UNC13A: variants seen among roughly 807,000 people sequenced by gnomAD.
UNC13A encodes the protein protein unc-13 homolog A.
In UNC13A, 61 loss-of-function variants were observed where a neutral mutation model predicts 219.7. That is an observed-to-expected ratio of 0.28 (90% CI 0.23 to 0.34). The LOEUF (loss-of-function observed/expected upper bound fraction) is 0.34, where lower values mean the gene tolerates loss of function less well. UNC13A is among the 10% of genes least tolerant of loss of function. The probability of loss-of-function intolerance (pLI) is 1.00; values close to 1 mark genes in which losing one functional copy is unlikely to be tolerated. For synonymous variants in UNC13A, 920 were observed against 884.6 expected (o/e 1.04, Z -0.71); for missense variants, 1,476 against 2,270.3 (o/e 0.65, Z 7.11).
At chr19:17,648,326 C>A in intron 16 of UNC13A, 105 bp downstream of exon 16, 1 of 1,121,806 alleles carries the variant, frequency 8.9e-7, no homozygotes, top group Non-Finnish European at 1.2e-6. Context: ...TTGCCCCGCC[C>A]CATGGTGCCC....
At chr19:17,672,610 G>A in intron 3 of UNC13A, 115 bp from the exon 4 acceptor site, 1 of 745,058 alleles carries the variant, frequency 1.3e-6, no homozygotes, top group Non-Finnish European at 2.2e-6. Context: ...ACCTAGGCCT[G>A]GGAGTGTCCT....
chr19:17,644,846 C>T (rs1331875626), intron 19 of UNC13A, among the ~76,000 whole-genome samples: 1 of 151,338 alleles, frequency 6.6e-6, no homozygotes, highest in African/African-American at 2.4e-5. Context: ...TGAGTGTCAC[C>T]CTGCCTAGCT....
At chr19:17,640,189 C>T (rs2076953967) in intron 22 of UNC13A, among the ~76,000 whole-genome samples, 1 of 152,152 alleles carries the variant, frequency 6.6e-6, no homozygotes, top group Non-Finnish European at 1.5e-5. Flanking sequence ...CACAGGCCAC[C>T]ACACCCAGCT....
intron 21 of UNC13A, 117 bp downstream of exon 21, chr19:17,641,276 C>A (rs1025580997): frequency 1.7e-5 from 23 of 1,344,272 alleles, no homozygotes; most frequent in Non-Finnish European, 2.3e-5. Context: ...GAACCCACCA[C>A]CACCACGCCC....
At position 17,658,045 on chromosome 19, in the gene UNC13A, C is replaced by T. The variant is rs374893384; in HGVS notation, c.767+17G>A. On this transcript the variant is annotated intron_variant, in intron 9 of 43. Transcript: ENST00000519716. The stretch of plus-strand genomic sequence containing the variant: ...CACAGCAGGACCCACATGCATGCTG[C>T]ACTCCGCAGCACCTACCTGAGGGCT... 3 of 1,610,854 alleles carry T rather than the reference C, an allele frequency of 1.9e-6. No individual in the cohort carries two copies. Among genetic ancestry groups the T allele is most frequent in the East Asian group, 2.2e-5 (1 of 44,768 alleles).
At chr19:17,673,300 T>C (rs2145910385) in intron 3 of UNC13A, among the ~76,000 whole-genome samples, 1 of 143,638 alleles carries the variant, frequency 7.0e-6, no homozygotes, top group South Asian at 2.2e-4. Context: ...GAGGTTGCGG[T>C]GAGCCGAGAT....
intron 8 of UNC13A, among the ~76,000 whole-genome samples, chr19:17,661,447 A>G (rs2079549658): frequency 6.6e-6 from 1 of 152,044 alleles, no homozygotes. Context: ...TAATCCCAGC[A>G]CTTTGGGAGG....
intron 23 of UNC13A, 108 bp downstream of exon 23, chr19:17,639,732 C>T (rs142563535): frequency 9.1e-6 from 12 of 1,324,706 alleles, no homozygotes; most frequent in East Asian, 2.3e-5. Flanking sequence ...AGGAACACAT[C>T]GTACATGCGA....
chr19:17,609,822 T>C lies in UNC13A; in HGVS notation c.4811+118A>G, dbSNP rs1042705986. The stretch of plus-strand genomic sequence containing the variant: ...CTTTCCAGCACCCCCACCTAGAATG[T>C]GGCCCCTCCCATTCCCGGGCCCAGA... On this transcript the variant is annotated intron_variant, in intron 43 of 43. Coordinates refer to ENST00000519716, the MANE Select transcript of UNC13A (RefSeq NM_001080421.3). The C allele has an allele frequency of 1.8e-5, 25 of 1,413,570 alleles. No homozygotes were observed. The African/African-American group carries it at 2.8e-4, about 16-fold the overall frequency. 87.6% of individuals were successfully genotyped at this position (1,413,570 alleles called of 1,614,324 possible). A position where few individuals can be genotyped will look rare whatever the true frequency, so the allele number is the denominator to read the frequency against.
At position 17,617,686 on chromosome 19, in the gene UNC13A, G is replaced by C. The variant is rs367873483; in HGVS notation, c.4558+16C>G. 9.3e-6 allele frequency: 15 copies of C among 1,611,006 alleles called. No homozygotes were observed. Among genetic ancestry groups the C allele is most frequent in the Non-Finnish European group, 1.2e-5 (14 of 1,177,472 alleles). ...CCGCGGAGCGGGAAAGGGTGATGCG[G>C]TCTGGGTACCCTTACCCTGGGCCGA... On this transcript the variant is annotated intron_variant, in intron 41 of 43. Coordinates refer to ENST00000519716, the MANE Select transcript of UNC13A (RefSeq NM_001080421.3).
chr19:17,680,222 C>T (rs957894420), intron 1 of UNC13A, among the ~76,000 whole-genome samples: 1 of 152,228 alleles, frequency 6.6e-6, no homozygotes, highest in Admixed American at 6.5e-5. Context: ...AGTCTCTCTC[C>T]CTGTCTTCCC....
At chr19:17,663,224 C>CG (rs1198582366) in intron 8 of UNC13A, among the ~76,000 whole-genome samples, 1 of 151,804 alleles carries the variant, frequency 6.6e-6, no homozygotes, top group Non-Finnish European at 1.5e-5. Context: ...GAGTGGGGTG[C>CG]GGGGGTCACA....
chr19:17,623,269 A>G, intron 36 of UNC13A: 1 of 441,614 alleles, frequency 2.3e-6, no homozygotes, highest in South Asian at 4.4e-5. Flanking sequence ...GTCCGCTGCG[A>G]AGGAGGAGCT....
intron 43 of UNC13A, among the ~76,000 whole-genome samples, chr19:17,609,149 TA>T (rs2076574653): frequency 6.7e-6 from 1 of 149,300 alleles, no homozygotes; most frequent in African/African-American, 2.5e-5. Flanking sequence ...TTTGTATTTT[TA>T]GTAGAGACGG....
intron 43 of UNC13A, among the ~76,000 whole-genome samples, chr19:17,606,900 C>T (rs2076537843): frequency 6.6e-6 from 1 of 151,952 alleles, no homozygotes; most frequent in South Asian, 2.1e-4. Context: ...CCCGCATGCC[C>T]CTCACCTGTG....
At chr19:17,606,381 A>G in intron 43 of UNC13A, 27 bp from the exon 44 acceptor site, 2 of 1,536,732 alleles carry the variant, frequency 1.3e-6, no homozygotes, top group Non-Finnish European at 1.7e-6. Context: ...GGAACGTGAG[A>G]CAGGCCACAC....
chr19:17,648,796 G>A (rs1299181896), intron 15 of UNC13A, 116 bp downstream of exon 15: 1 of 1,486,826 alleles, frequency 6.7e-7, no homozygotes, highest in Non-Finnish European at 9.2e-7. Flanking sequence ...CCTTCTGCCA[G>A]TCTGTGTCAC....
intron 25 of UNC13A, among the ~76,000 whole-genome samples, chr19:17,637,739 A>G (rs150320401): frequency 0.017 from 2,584 of 150,372 alleles, 92 homozygotes; most frequent in African/African-American, 0.06. Context: ...ACTCTAGTCA[A>G]CTGAATGTAA....
intron 43 of UNC13A, among the ~76,000 whole-genome samples, chr19:17,607,213 G>C (rs553721101): frequency 4.6e-5 from 7 of 152,066 alleles, no homozygotes; most frequent in Non-Finnish European, 1.0e-4. Context: ...GATAATACCA[G>C]CTAACCAGCT....
Sources: allele counts gnomAD v4.1 joint callset (sites outside exome capture counted in the v4.1 genomes callset), GRCh38; gene constraint gnomAD v4.1.1; transcripts MANE v1.5; gene names NCBI Gene and HGNC (gene_info 2026-07-23, HGNC 2026-07-21).